The following CA10 variants were observed in gnomAD, a reference collection of about 807,000 sequenced individuals.
CA10 encodes the protein carbonic anhydrase 10 (inactive), also known as carbonic anhydrase-related protein 10.
Under a neutral mutation model 44.2 loss-of-function variants are expected in CA10, and 14 were observed. That is an observed-to-expected ratio of 0.32 (90% CI 0.21 to 0.50). The LOEUF (loss-of-function observed/expected upper bound fraction) is 0.50, where lower values mean the gene tolerates loss of function less well. Among genes scored for constraint, CA10 ranks in the 20% least tolerant of loss-of-function variants. The pLI is 0.99. For synonymous variants in CA10, 159 were observed against 141.6 expected (o/e 1.12, Z -0.87); for missense variants, 350 against 409.7 (o/e 0.85, Z 1.26).
chr17:51,683,963 G>A (rs1249632451), intron 4 of CA10, among the ~76,000 whole-genome samples: 2 of 152,186 alleles, frequency 1.3e-5, no homozygotes, highest in African/African-American at 4.8e-5. Context: ...GAATAAATAG[G>A]TCTTTAAAGA....
At chr17:52,131,132 A>G (rs1014387235) in intron 1 of CA10, among the ~76,000 whole-genome samples, 10 of 151,820 alleles carry the variant, frequency 6.6e-5, no homozygotes, top group African/African-American at 2.2e-4. Context: ...ATAAACATAA[A>G]TATTATTGTT....
chr17:51,938,277 G>A (rs1006315901), intron 2 of CA10, among the ~76,000 whole-genome samples: 8 of 152,122 alleles, frequency 5.3e-5, no homozygotes, highest in Non-Finnish European at 7.4e-5. Context: ...AAGGGGTTGA[G>A]TGAGGAGGGG....
intron 4 of CA10, among the ~76,000 whole-genome samples, chr17:51,738,440 T>A (rs1362552204): frequency 5.3e-5 from 8 of 152,204 alleles, no homozygotes; most frequent in African/African-American, 1.7e-4. Flanking sequence ...CACAAAAGCA[T>A]TGCTTCTGTT....
chr17:51,702,111 A>C (rs1915623321), intron 4 of CA10, among the ~76,000 whole-genome samples: 1 of 146,078 alleles, frequency 6.8e-6, no homozygotes, highest in Admixed American at 6.6e-5. Flanking sequence ...GATCCTAAAA[A>C]TCATTCATTT....
chr17:52,146,704 A>T (rs1346266466), intron 1 of CA10, among the ~76,000 whole-genome samples: 46 of 94,080 alleles, frequency 4.9e-4, no homozygotes, highest in East Asian at 3.8e-3. Context: ...ATAAATATAA[A>T]AAAATAAAAA....
At chr17:51,943,576 CCTGCAGTGG>C (rs1983165438) in intron 2 of CA10, among the ~76,000 whole-genome samples, 1 of 152,216 alleles carries the variant, frequency 6.6e-6, no homozygotes, top group Admixed American at 6.5e-5. Flanking sequence ...CAAGCCTTTG[CCTGCAGTGG>C]CTGCACTGCC....
intron 2 of CA10, among the ~76,000 whole-genome samples, chr17:52,028,621 G>A (rs1986371182): frequency 6.6e-6 from 1 of 152,156 alleles, no homozygotes; most frequent in Non-Finnish European, 1.5e-5. Context: ...GCAAATATTG[G>A]AGGCCGTTGC....
At chr17:51,944,981 G>A (rs1225267155) in intron 2 of CA10, among the ~76,000 whole-genome samples, 1 of 152,124 alleles carries the variant, frequency 6.6e-6, no homozygotes, top group Non-Finnish European at 1.5e-5. Flanking sequence ...GATGATCCGG[G>A]TAGACCCAGG....
At chr17:51,952,434 C>T (rs1983519580) in intron 2 of CA10, among the ~76,000 whole-genome samples, 1 of 152,020 alleles carries the variant, frequency 6.6e-6, no homozygotes, top group East Asian at 1.9e-4. Flanking sequence ...TCATGCTCAG[C>T]TATTTGAGAG....
rs112775883 is a variant in CA10 at position 51,699,451 on chromosome 17, C to G, written c.466-45715G>C. Among the ~76,000 whole-genome samples the G allele has an allele frequency of 7.7e-3, 1,171 of 152,226 alleles. 18 individuals are homozygous for G. The highest frequency in any genetic ancestry group is 0.027 in the African/African-American group (1,128 of 41,532). On this transcript the variant is annotated intron_variant, in intron 4 of 8. Transcript: ENST00000451037. ...TTGAACTAACCTCCTCCCCTTCTTG[C>G]AACCGGAGACACACACAGCCCCCAG...
intron 1 of CA10, among the ~76,000 whole-genome samples, chr17:52,108,225 T>A (rs1008510588): frequency 4.3e-4 from 61 of 142,556 alleles, no homozygotes; most frequent in Admixed American, 9.9e-4. Flanking sequence ...TATATATATA[T>A]AATATGTATA....
At chr17:51,758,410 A>G (rs1342659256) in intron 3 of CA10, among the ~76,000 whole-genome samples, 3 of 152,244 alleles carry the variant, frequency 2.0e-5, no homozygotes, top group Admixed American at 6.5e-5. Flanking sequence ...AACAGGTGTG[A>G]AAGATATTGC....
intron 2 of CA10, among the ~76,000 whole-genome samples, chr17:51,968,344 T>C (rs2144064041): frequency 6.6e-6 from 1 of 152,032 alleles, no homozygotes; most frequent in South Asian, 2.1e-4. Context: ...AACAGTGGTT[T>C]TGTTGCTGAG....
chr17:51,881,920 C>T (rs775009384), intron 3 of CA10, among the ~76,000 whole-genome samples: 2 of 152,024 alleles, frequency 1.3e-5, no homozygotes, highest in Non-Finnish European at 2.9e-5. Flanking sequence ...AGGCACATAT[C>T]CTATTGGAAT....
At chr17:51,777,362 G>T (rs968143934) in intron 3 of CA10, among the ~76,000 whole-genome samples, 2 of 152,144 alleles carry the variant, frequency 1.3e-5, no homozygotes, top group Non-Finnish European at 2.9e-5. Context: ...TATTTCACTT[G>T]TACACAGATT....
chr17:51,787,610 C>T (rs1598045012), intron 3 of CA10, among the ~76,000 whole-genome samples: 1 of 152,094 alleles, frequency 6.6e-6, no homozygotes, highest in East Asian at 1.9e-4. Context: ...CCTGCCTCAG[C>T]CTCCCGAGTA....
chr17:51,647,288 C>T (rs1395253739), intron 6 of CA10, among the ~76,000 whole-genome samples: 1 of 152,168 alleles, frequency 6.6e-6, no homozygotes, highest in Non-Finnish European at 1.5e-5. Context: ...ATTGGGCGTG[C>T]CTCGTCTTAG....
At chr17:52,042,697 C>G (rs1444850997) in intron 2 of CA10, among the ~76,000 whole-genome samples, 1 of 151,868 alleles carries the variant, frequency 6.6e-6, no homozygotes, top group Non-Finnish European at 1.5e-5. Flanking sequence ...GGAGCTTTCC[C>G]CCTATGTTTA....
intron 2 of CA10, among the ~76,000 whole-genome samples, chr17:52,049,934 A>G (rs942508379): frequency 6.6e-6 from 1 of 152,096 alleles, no homozygotes; most frequent in Admixed American, 6.6e-5. Flanking sequence ...CCATTATGCC[A>G]CAGTTGCCTA....
Sources: gnomAD v4.1 joint callset for allele counts (sites outside exome capture counted in the v4.1 genomes callset) on GRCh38, gnomAD v4.1.1 for gene constraint, MANE v1.5 for transcripts, NCBI Gene and HGNC (gene_info 2026-07-23, HGNC 2026-07-21) for gene names.